The following DAB1 variants were observed in gnomAD, a reference collection of about 807,000 sequenced individuals.
The protein encoded by DAB1 is disabled homolog 1.
A neutral mutation model predicts 64.6 loss-of-function variants in DAB1; 15 were observed. The ratio of observed to expected loss-of-function variants is 0.23; its 90% CI spans 0.16 to 0.36. The LOEUF is 0.36. Ranked by LOEUF, DAB1 falls within the 10% of genes least tolerant of loss-of-function variation. The pLI is 1.00. For synonymous variants in DAB1, 235 were observed against 251.9 expected (o/e 0.93, Z 0.64); for missense variants, 596 against 706.7 (o/e 0.84, Z 1.78).
At chr1:57,369,334 T>A (rs1226175949) in intron 1 of DAB1, among the ~76,000 whole-genome samples, 1 of 152,236 alleles carries the variant, frequency 6.6e-6, no homozygotes, top group Non-Finnish European at 1.5e-5. Context: ...GATGCCCACG[T>A]AGTATCAAGA....
At chr1:57,603,729 G>A (rs1298317922) in intron 7 of DAB1, among the ~76,000 whole-genome samples, 2 of 152,166 alleles carry the variant, frequency 1.3e-5, no homozygotes, top group African/African-American at 2.4e-5. Flanking sequence ...GCAAACTCAA[G>A]TCAGATGTTT....
At chr1:57,233,420 G>A (rs541908940) in intron 2 of DAB1, among the ~76,000 whole-genome samples, 46 of 150,520 alleles carry the variant, frequency 3.1e-4, no homozygotes, top group South Asian at 8.6e-4. Flanking sequence ...CCGCCATTAC[G>A]CCTGGCTAAT....
chr1:57,984,643 A>G (rs1171510784), intron 5 of DAB1, among the ~76,000 whole-genome samples: 1 of 152,228 alleles, frequency 6.6e-6, no homozygotes, highest in East Asian at 1.9e-4. Flanking sequence ...CTACATGTTA[A>G]TAATTTGGGC....
intron 5 of DAB1, chr1:58,060,449 C>T (rs1216659682): frequency 6.6e-6 from 1 of 152,240 alleles, no homozygotes; most frequent in Non-Finnish European, 1.5e-5. Flanking sequence ...TACTGTATGA[C>T]TTTGGAAAAC....
intron 6 of DAB1, among the ~76,000 whole-genome samples, chr1:57,707,105 CA>C (rs1401127233): frequency 1.3e-5 from 2 of 151,604 alleles, no homozygotes; most frequent in African/African-American, 4.8e-5. Flanking sequence ...AAAAACCCCC[CA>C]AAAAACAGAT....
intron 1 of DAB1, among the ~76,000 whole-genome samples, chr1:58,541,945 A>G (rs1275961305): frequency 6.6e-6 from 1 of 152,194 alleles, no homozygotes; most frequent in South Asian, 2.1e-4. Flanking sequence ...TCTTCATATA[A>G]AAGTTGGGGA....
chr1:58,155,981 C>T (rs1055214836), intron 4 of DAB1, among the ~76,000 whole-genome samples: 1 of 152,154 alleles, frequency 6.6e-6, no homozygotes, highest in Non-Finnish European at 1.5e-5. Flanking sequence ...TGTCTGTTGT[C>T]TTATGAGGAA....
At chr1:58,524,615 C>T (rs1646321101) in intron 2 of DAB1, among the ~76,000 whole-genome samples, 1 of 152,160 alleles carries the variant, frequency 6.6e-6, no homozygotes, top group African/African-American at 2.4e-5. Flanking sequence ...ATTTTCTTTT[C>T]CTTTTTTCAA....
intron 14 of DAB1, among the ~76,000 whole-genome samples, chr1:57,000,722 AATGTTTCCTGG>A: frequency 6.6e-6 from 1 of 152,304 alleles, no homozygotes; most frequent in East Asian, 1.9e-4. Flanking sequence ...CACGCATATT[AATGTTTCCTGG>A]ATAGATGTTC....
chr1:58,448,796 AC>A (rs1645100619), intron 3 of DAB1, among the ~76,000 whole-genome samples: 1 of 152,160 alleles, frequency 6.6e-6, no homozygotes, highest in East Asian at 1.9e-4. Flanking sequence ...ACTGAGTAAA[AC>A]GCTTGCATCC....
chr1:57,575,170 T>C (rs1264527488), intron 7 of DAB1, among the ~76,000 whole-genome samples: 2 of 152,172 alleles, frequency 1.3e-5, no homozygotes, highest in Non-Finnish European at 2.9e-5. Context: ...CCTGTGATCT[T>C]ATGCAAATTT....
intron 4 of DAB1, among the ~76,000 whole-genome samples, chr1:58,153,665 C>T (rs1408462988): frequency 6.6e-6 from 1 of 151,950 alleles, no homozygotes; most frequent in African/African-American, 2.4e-5. Flanking sequence ...TCTATTCTTT[C>T]CTTTTCTCAC....
At chr1:58,300,600 GAAA>G (rs1412487483) in intron 4 of DAB1, among the ~76,000 whole-genome samples, 21 of 38,728 alleles carry the variant, frequency 5.4e-4, no homozygotes, top group Middle Eastern at 0.014. Flanking sequence ...AAGAAAGAAA[GAAA>G]GAAAGAAAGA....
At chr1:58,477,924 A>T (rs879354508) in intron 3 of DAB1, among the ~76,000 whole-genome samples, 6 of 152,144 alleles carry the variant, frequency 3.9e-5, no homozygotes, top group Non-Finnish European at 5.9e-5. Flanking sequence ...TTACCCCTCT[A>T]AACTTCAGTT....
chr1:57,895,537 A>C (rs539047971), intron 5 of DAB1, among the ~76,000 whole-genome samples: 2 of 152,210 alleles, frequency 1.3e-5, no homozygotes, highest in African/African-American at 2.4e-5. Flanking sequence ...GAGGACCCAG[A>C]CAGCCCTGGT....
chr1:58,119,086 A>G (rs1160106405), intron 5 of DAB1, among the ~76,000 whole-genome samples: 1 of 152,172 alleles, frequency 6.6e-6, no homozygotes, highest in African/African-American at 2.4e-5. Flanking sequence ...TCAGCACAAT[A>G]CCTGGCATTT....
intron 5 of DAB1, among the ~76,000 whole-genome samples, chr1:57,897,525 C>T (rs886396504): frequency 2.0e-5 from 3 of 152,164 alleles, no homozygotes; most frequent in African/African-American, 7.2e-5. Flanking sequence ...TTGGAGGCAG[C>T]TTCATGCCTT....
chr1:57,498,541 T>A (rs1385417928), intron 7 of DAB1, among the ~76,000 whole-genome samples: 1 of 152,100 alleles, frequency 6.6e-6, no homozygotes, highest in African/African-American at 2.4e-5. Context: ...GGCACAGTGG[T>A]CAAGGAAGAT....
At chr1:57,910,450 C>T (rs1042134971) in intron 5 of DAB1, among the ~76,000 whole-genome samples, 3 of 152,326 alleles carry the variant, frequency 2.0e-5, no homozygotes, top group Middle Eastern at 3.4e-3. Flanking sequence ...TCCACAGCAC[C>T]GCTCTGGCAA....
Sources: allele counts gnomAD v4.1 joint callset (sites outside exome capture counted in the v4.1 genomes callset), GRCh38; gene constraint gnomAD v4.1.1; transcripts MANE v1.5; gene names NCBI Gene and HGNC (gene_info 2026-07-23, HGNC 2026-07-21).